MACROD2: variants seen among roughly 807,000 people sequenced by gnomAD.
MACROD2 encodes mono-ADP ribosylhydrolase 2.
A neutral mutation model predicts 70.4 loss-of-function variants in MACROD2; 36 were observed. The ratio of observed to expected loss-of-function variants is 0.51; its 90% CI spans 0.39 to 0.68. The LOEUF is 0.68. Ranked by LOEUF, MACROD2 falls within the 30% of genes least tolerant of loss-of-function variation. The pLI, the probability that MACROD2 is intolerant of heterozygous loss-of-function variation, is 0.00. For synonymous variants in MACROD2, 172 were observed against 178.8 expected (o/e 0.96, Z 0.30); for missense variants, 496 against 538.4 (o/e 0.92, Z 0.78).
chr20:14,291,464 C>T (rs540823073), intron 3 of MACROD2, among the ~76,000 whole-genome samples: 1 of 150,010 alleles, frequency 6.7e-6, no homozygotes, highest in African/African-American at 2.5e-5. Context: ...ATGGGAAATC[C>T]GTGGCTTCCC....
At chr20:15,931,323 G>A (rs1200755373) in intron 10 of MACROD2, among the ~76,000 whole-genome samples, 2 of 152,106 alleles carry the variant, frequency 1.3e-5, no homozygotes, top group Non-Finnish European at 2.9e-5. Context: ...AATTTAAGTG[G>A]CATGCAGAGC....
chr20:14,481,313 A>C (rs917120382), intron 3 of MACROD2, among the ~76,000 whole-genome samples: 3 of 152,144 alleles, frequency 2.0e-5, no homozygotes, highest in Non-Finnish European at 4.4e-5. Flanking sequence ...CTGAAGTCAT[A>C]CTGAGAATTT....
At chr20:15,707,905 A>G (rs2050560352) in intron 8 of MACROD2, among the ~76,000 whole-genome samples, 2 of 152,032 alleles carry the variant, frequency 1.3e-5, no homozygotes, top group East Asian at 3.9e-4. Context: ...GTGAAGAGCA[A>G]AGGCTGCATG....
chr20:15,291,771 C>G (rs1289305725), intron 6 of MACROD2, among the ~76,000 whole-genome samples: 1 of 152,048 alleles, frequency 6.6e-6, no homozygotes, highest in Non-Finnish European at 1.5e-5. Context: ...ATAATTAGTT[C>G]CTAATCTCAT....
chr20:15,108,131 T>C (rs1205503817), intron 5 of MACROD2, among the ~76,000 whole-genome samples: 2 of 152,136 alleles, frequency 1.3e-5, no homozygotes, highest in Non-Finnish European at 2.9e-5. Flanking sequence ...TTCTTAGCTA[T>C]GTGATACTGG....
chr20:15,390,394 C>A (rs571628022), intron 6 of MACROD2, among the ~76,000 whole-genome samples: 13 of 152,198 alleles, frequency 8.5e-5, no homozygotes, highest in Non-Finnish European at 1.3e-4. Context: ...GCAGTTATTA[C>A]CATCTAAATA....
intron 5 of MACROD2, among the ~76,000 whole-genome samples, chr20:15,057,388 G>T (rs2075495273): frequency 6.6e-6 from 1 of 152,112 alleles, no homozygotes. Context: ...CACTAGTTGG[G>T]ATGCTGTCCT....
At chr20:14,673,277 A>G (rs919323506) in intron 4 of MACROD2, among the ~76,000 whole-genome samples, 3 of 152,208 alleles carry the variant, frequency 2.0e-5, no homozygotes, top group Non-Finnish European at 4.4e-5. Context: ...TCATGTGTCC[A>G]GTGAATACTC....
intron 3 of MACROD2, among the ~76,000 whole-genome samples, chr20:14,275,821 A>G (rs1459439130): frequency 6.6e-6 from 1 of 152,090 alleles, no homozygotes; most frequent in Non-Finnish European, 1.5e-5. Context: ...GGCGAAGGAC[A>G]TGAACAGACA....
intron 4 of MACROD2, among the ~76,000 whole-genome samples, chr20:14,569,915 G>T (rs746921349): frequency 1.3e-4 from 19 of 152,000 alleles, no homozygotes; most frequent in African/African-American, 7.2e-5. Context: ...GAGGAACTGA[G>T]ATTCTTTTCC....
chr20:14,994,782 T>C (rs901983623), intron 5 of MACROD2, among the ~76,000 whole-genome samples: 4 of 152,096 alleles, frequency 2.6e-5, no homozygotes, highest in African/African-American at 9.7e-5. Context: ...GTGTAGATTA[T>C]AGTCTTTCCA....
chr20:14,704,573 A>C (rs963319542), intron 5 of MACROD2, among the ~76,000 whole-genome samples: 3 of 152,132 alleles, frequency 2.0e-5, no homozygotes, highest in Admixed American at 6.5e-5. Context: ...GGGAAACTCA[A>C]AGGAAGATAT....
At chr20:15,765,757 CAT>C (rs149188346) in intron 8 of MACROD2, among the ~76,000 whole-genome samples, 12 of 152,308 alleles carry the variant, frequency 7.9e-5, no homozygotes, top group East Asian at 3.9e-4. Context: ...GATATATACA[CAT>C]GTGTGTAGAT....
intron 3 of MACROD2, among the ~76,000 whole-genome samples, chr20:14,161,196 T>TC (rs1266959327): frequency 6.6e-6 from 1 of 150,912 alleles, no homozygotes; most frequent in Admixed American, 6.6e-5. Flanking sequence ...TTTTTCTTTT[T>TC]TTTTTTTTTT....
At chr20:14,869,565 C>A (rs1160670639) in intron 5 of MACROD2, among the ~76,000 whole-genome samples, 3 of 152,148 alleles carry the variant, frequency 2.0e-5, no homozygotes, top group South Asian at 2.1e-4. Flanking sequence ...TGCTGTCAAC[C>A]TCTCTCCCTC....
At chr20:14,281,000 C>T (rs2082301928) in intron 3 of MACROD2, among the ~76,000 whole-genome samples, 1 of 152,144 alleles carries the variant, frequency 6.6e-6, no homozygotes, top group African/African-American at 2.4e-5. Context: ...CCCCAAACAG[C>T]TTTACTTTAT....
At chr20:14,562,822 GA>G (rs2123296102) in intron 4 of MACROD2, among the ~76,000 whole-genome samples, 1 of 151,866 alleles carries the variant, frequency 6.6e-6, no homozygotes, top group South Asian at 2.1e-4. Context: ...GACTCTAGAG[GA>G]AAACCTTTCT....
chr20:15,951,352 A>AAAGAGAG (rs2065903252), intron 12 of MACROD2, among the ~76,000 whole-genome samples: 1 of 91,878 alleles, frequency 1.1e-5, no homozygotes, highest in Non-Finnish European at 2.6e-5. Flanking sequence ...CACACACACA[A>AAAGAGAG]AGAGAGAGAG....
rs71190130 is a variant in MACROD2, at chr20:14,346,093, C to CAAAAAA, written c.272-147360_272-147355dup. Among the ~76,000 whole-genome samples, 41 of 41,172 alleles carry CAAAAAA rather than the reference C, an allele frequency of 1.0e-3. 1 individual carries two copies. The highest frequency in any genetic ancestry group is 4.1e-3 in the South Asian group (2 of 486). The allele number at this position is 41,172 out of a possible 152,430, so 27.0% of individuals were successfully genotyped here. On this transcript the variant is annotated intron_variant, in intron 3 of 17. Coordinates refer to ENST00000684519, the MANE Select transcript of MACROD2 (RefSeq NM_001351661.2). The stretch of plus-strand genomic sequence containing the variant: ...TGGGTGACAGAGTGAGATTCTGCCT[C>CAAAAAA]AAAAAAAAAAAAAAAAAAAAAAAAA...
Sources: allele counts gnomAD v4.1 joint callset (sites outside exome capture counted in the v4.1 genomes callset), GRCh38; gene constraint gnomAD v4.1.1; transcripts MANE v1.5; gene names NCBI Gene and HGNC (gene_info 2026-07-23, HGNC 2026-07-21).